Variants in CELF2 observed in about 807,000 individuals in gnomAD.
CELF2 encodes CUG triplet repeat RNA-binding protein 2.
Under a neutral mutation model 62.6 loss-of-function variants are expected in CELF2, and 8 were observed. The ratio of observed to expected loss-of-function variants is 0.13; its 90% CI spans 0.07 to 0.23. The LOEUF is 0.23. CELF2 is among the 10% of genes least tolerant of loss of function. CELF2 has a pLI of 1.00. For missense variants in CELF2, 333 were observed against 671.0 expected (o/e 0.50, Z 5.56); for synonymous variants, 258 against 250.0 (o/e 1.03, Z -0.30).
upstream of CELF2, among the ~76,000 whole-genome samples, chr10:11,004,033 G>A (rs1201977516): frequency 6.6e-6 from 1 of 152,072 alleles, no homozygotes; most frequent in Non-Finnish European, 1.5e-5. This position sits in a 1 kb window ranked among gnomAD's most constrained non-coding sequence, Gnocchi z 5.0. Context: ...AAAAACCTTC[G>A]TCTCCCCCTG....
intron 1 of CELF2, among the ~76,000 whole-genome samples, chr10:10,819,412 C>G (rs1218614844): frequency 1.3e-5 from 2 of 152,166 alleles, no homozygotes; most frequent in Admixed American, 6.5e-5. Flanking sequence ...CGAATTTTAG[C>G]ATGAGTTTAG....
intron 1 of CELF2, among the ~76,000 whole-genome samples, chr10:10,835,107 G>A (rs2058172094): frequency 1.3e-5 from 2 of 152,106 alleles, no homozygotes; most frequent in South Asian, 4.2e-4. Flanking sequence ...ACTAAGCTTT[G>A]CATCTTGAAA....
chr10:11,162,868 A>G (rs906956137), intron 1 of CELF2, among the ~76,000 whole-genome samples: 78 of 152,226 alleles, frequency 5.1e-4, no homozygotes, highest in African/African-American at 1.6e-3. Flanking sequence ...AGTCTAAGAG[A>G]TGGAGTCCGC....
the CELF2 span, among the ~76,000 whole-genome samples, chr10:10,672,806 G>A: frequency 6.6e-6 from 1 of 152,046 alleles, no homozygotes; most frequent in Admixed American, 6.5e-5. Context: ...ATAAATTTTA[G>A]AATCAGTTTG....
At chr10:10,512,651 A>G in the CELF2 span, among the ~76,000 whole-genome samples, 9 of 152,078 alleles carry the variant, frequency 5.9e-5, no homozygotes, top group South Asian at 1.7e-3. Context: ...CTGAACTCAA[A>G]TGATCTGCCC....
intron 3 of CELF2, among the ~76,000 whole-genome samples, chr10:11,222,487 T>C (rs769526566): frequency 6.6e-6 from 1 of 152,200 alleles, no homozygotes; most frequent in Non-Finnish European, 1.5e-5. Flanking sequence ...AACCGAAACA[T>C]CTGTATGAAC....
At chr10:10,464,412 C>T in the CELF2 span, among the ~76,000 whole-genome samples, 1 of 127,200 alleles carries the variant, frequency 7.9e-6, no homozygotes, top group African/African-American at 2.6e-5. Flanking sequence ...CAAGTCAAAC[C>T]ACAGTACTTG....
chr10:11,062,618 T>C (rs1374959398), intron 1 of CELF2, among the ~76,000 whole-genome samples: 1 of 152,188 alleles, frequency 6.6e-6, no homozygotes, highest in Admixed American at 6.5e-5. Context: ...ACTGAATTGC[T>C]GCAGTGTCAT....
intron 1 of CELF2, among the ~76,000 whole-genome samples, chr10:11,129,307 G>A (rs1167781437): frequency 2.0e-5 from 3 of 152,142 alleles, no homozygotes; most frequent in Non-Finnish European, 2.9e-5. Context: ...TTTTTGCATC[G>A]ATGTTCATCG....
chr10:10,740,924 G>T, the CELF2 span, among the ~76,000 whole-genome samples: 1 of 152,140 alleles, frequency 6.6e-6, no homozygotes, highest in Admixed American at 6.5e-5. Context: ...GACCAGGGCT[G>T]GAGAAGGTAG....
intron 3 of CELF2, among the ~76,000 whole-genome samples, chr10:11,240,988 G>C (rs1313401623): frequency 6.6e-6 from 1 of 152,064 alleles, no homozygotes; most frequent in Non-Finnish European, 1.5e-5. Flanking sequence ...ACTCGGCCAA[G>C]TTATTTAGCC....
At chr10:11,320,750 A>G in intron 10 of CELF2, 1 of 1,181,120 alleles carries the variant, frequency 8.5e-7, no homozygotes, top group Non-Finnish European at 1.2e-6. Context: ...TCAGCCCTGC[A>G]AGCTATCCCA....
At chr10:10,670,305 C>T in the CELF2 span, among the ~76,000 whole-genome samples, 2 of 152,294 alleles carry the variant, frequency 1.3e-5, no homozygotes, top group African/African-American at 2.4e-5. Flanking sequence ...TCATAACACC[C>T]TTATTGATTG....
upstream of CELF2, among the ~76,000 whole-genome samples, chr10:11,003,444 G>A (rs1036137837): frequency 1.3e-5 from 2 of 152,176 alleles, no homozygotes; most frequent in Non-Finnish European, 2.9e-5. This position sits in a 1 kb window ranked among gnomAD's most constrained non-coding sequence, Gnocchi z 4.4. Context: ...TCCGAGCAGC[G>A]TATTTTTACT....
Position 11,290,391 on chromosome 10 carries a change from G to C in CELF2, c.976+1839G>C, listed in dbSNP as rs559114461. ...CAGTGGGTGGGGGAGAGCGGAGTGG[G>C]GGCTCTGTGGTGGACCGCGTCCGTT... On this transcript the variant is annotated intron_variant, in intron 9 of 12. Transcript: ENST00000633077. The surrounding 1 kb of genome is among the most constrained non-coding windows in gnomAD (Gnocchi z 4.3). Among the ~76,000 whole-genome samples, 1 of 152,076 alleles carries C rather than the reference G, an allele frequency of 6.6e-6. No homozygotes were observed. Among genetic ancestry groups the C allele is most frequent in the Non-Finnish European group, 1.5e-5 (1 of 68,004 alleles).
At chr10:10,790,992 G>T in the CELF2 span, among the ~76,000 whole-genome samples, 1 of 152,106 alleles carries the variant, frequency 6.6e-6, no homozygotes, top group Non-Finnish European at 1.5e-5. Context: ...ATAAAATGAA[G>T]ATTAAAATAG....
At position 11,046,968 on chromosome 10, in the gene CELF2, A is replaced by G. The variant is rs928840732; in HGVS notation, c.74+28805A>G. On this transcript the variant is annotated intron_variant, in intron 1 of 12. Transcript: ENST00000633077. This position sits in a 1 kb window ranked among gnomAD's most constrained non-coding sequence, Gnocchi z 4.6. ...TCGGAATTATTATATTGTCAGACCC[A>G]TTGTTTATTTCGCTCACATTTTCCT... is the stretch of plus-strand genomic sequence containing the variant. 6.8e-6 allele frequency among the ~76,000 whole-genome samples: 1 copy of G among 147,520 alleles called. No homozygotes were observed. The highest frequency in any genetic ancestry group is 2.5e-5 in the African/African-American group (1 of 39,874).
At chr10:10,724,673 A>AAG in the CELF2 span, among the ~76,000 whole-genome samples, 107 of 150,406 alleles carry the variant, frequency 7.1e-4, no homozygotes, top group African/African-American at 2.4e-3. Context: ...AAAAAAAAGA[A>AAG]AAAAGAAAAG....
At chr10:10,471,424 G>A in the CELF2 span, among the ~76,000 whole-genome samples, 2 of 151,546 alleles carry the variant, frequency 1.3e-5, no homozygotes, top group African/African-American at 4.8e-5. Context: ...TCTGTTATTA[G>A]GTGTGTATAC....
Sources: gnomAD v4.1 joint callset for allele counts (sites outside exome capture counted in the v4.1 genomes callset) on GRCh38, gnomAD v4.1.1 for gene constraint, Gnocchi (gnomAD v3.1) non-coding constraint, MANE v1.5 for transcripts, NCBI Gene and HGNC (gene_info 2026-07-23, HGNC 2026-07-21) for gene names.